Variants in FAM107B observed in about 807,000 individuals in gnomAD.
The protein encoded by FAM107B is family with sequence similarity 107 member B.
Under a neutral mutation model 31.5 loss-of-function variants are expected in FAM107B, and 21 were observed. The observed-to-expected ratio is 0.67, with a 90% CI of 0.47 to 0.96. The LOEUF is 0.96. Ranked by LOEUF, FAM107B falls within the 40% of genes least tolerant of loss-of-function variation. FAM107B has a pLI of 0.00. For synonymous variants in FAM107B, 157 were observed against 141.5 expected (o/e 1.11, Z -0.78); for missense variants, 452 against 377.1 (o/e 1.20, Z -1.64).
At chr10:14,644,492 T>C (rs1170301561) in intron 2 of FAM107B, among the ~76,000 whole-genome samples, 1 of 152,264 alleles carries the variant, frequency 6.6e-6, no homozygotes, top group East Asian at 1.9e-4. Flanking sequence ...CATGTACATT[T>C]GTACATTAAC....
At chr10:14,767,024 G>GTATGTATA (rs1554757993) in intron 1 of FAM107B, among the ~76,000 whole-genome samples, 2 of 16,232 alleles carry the variant, frequency 1.2e-4, no homozygotes, top group African/African-American at 2.1e-4. Context: ...TGATGTGTAT[G>GTATGTATA]TATATATATA....
intron 1 of FAM107B, among the ~76,000 whole-genome samples, chr10:14,763,704 A>G (rs1833104598): frequency 6.6e-6 from 1 of 152,200 alleles, no homozygotes; most frequent in Non-Finnish European, 1.5e-5. Context: ...CACCTCCCCA[A>G]GTACCAGGAT....
chr10:14,764,711 G>C (rs1233608166), intron 1 of FAM107B, among the ~76,000 whole-genome samples: 7 of 152,174 alleles, frequency 4.6e-5, no homozygotes, highest in Non-Finnish European at 1.0e-4. Flanking sequence ...TCCCATAATT[G>C]ATGTAGCACA....
chr10:14,715,964 A>T (rs992187007), intron 1 of FAM107B, among the ~76,000 whole-genome samples: 2 of 152,186 alleles, frequency 1.3e-5, no homozygotes, highest in Non-Finnish European at 2.9e-5. Flanking sequence ...GCCAATTTCC[A>T]TAATAAATCC....
At chr10:14,608,027 A>G (rs1852636549) in intron 2 of FAM107B, among the ~76,000 whole-genome samples, 1 of 152,208 alleles carries the variant, frequency 6.6e-6, no homozygotes, top group Admixed American at 6.5e-5. Context: ...CTATTTGGGG[A>G]CGTAAAATGA....
chr10:14,615,747 T>C (rs565303630), intron 2 of FAM107B, among the ~76,000 whole-genome samples: 276 of 152,278 alleles, frequency 1.8e-3, no homozygotes, highest in African/African-American at 6.5e-3. Context: ...GGGAACAGAG[T>C]AAGTTAAATA....
intron 2 of FAM107B, among the ~76,000 whole-genome samples, chr10:14,541,632 C>G (rs1848213673): frequency 6.6e-6 from 1 of 152,220 alleles, no homozygotes; most frequent in African/African-American, 2.4e-5. Context: ...CCCCTTGCCT[C>G]AGGCACTTCC....
chr10:14,723,663 G>A, intron 1 of FAM107B: 1 of 740,018 alleles, frequency 1.4e-6, no homozygotes. Context: ...CGAGAGGCTG[G>A]CAGTCAGCTC....
intron 2 of FAM107B, chr10:14,548,345 T>A: frequency 1.1e-6 from 1 of 881,904 alleles, no homozygotes. Context: ...AGGGACCAGA[T>A]GCTCTTCCGA....
intron 1 of FAM107B, among the ~76,000 whole-genome samples, chr10:14,736,430 G>A (rs1270690228): frequency 2.0e-5 from 3 of 152,120 alleles, no homozygotes; most frequent in African/African-American, 4.8e-5. Flanking sequence ...TCAATCTAAG[G>A]GACAAGCCAA....
intron 2 of FAM107B, among the ~76,000 whole-genome samples, chr10:14,656,357 A>G (rs1450056013): frequency 2.6e-5 from 4 of 152,254 alleles, no homozygotes; most frequent in African/African-American, 9.6e-5. Flanking sequence ...GGTAAATTGC[A>G]AAAGCAACGC....
At chr10:14,661,862 C>G (rs1854249716) in intron 2 of FAM107B, among the ~76,000 whole-genome samples, 1 of 152,234 alleles carries the variant, frequency 6.6e-6, no homozygotes, top group Non-Finnish European at 1.5e-5. Context: ...CAGAGAGTCA[C>G]ATAGTGAGGC....
At chr10:14,621,757 C>A (rs1190931766) in intron 2 of FAM107B, among the ~76,000 whole-genome samples, 1 of 152,126 alleles carries the variant, frequency 6.6e-6, no homozygotes, top group Non-Finnish European at 1.5e-5. Context: ...GCCTTCCCAG[C>A]CGATGTGGGG....
intron 1 of FAM107B, among the ~76,000 whole-genome samples, chr10:14,732,506 T>C (rs1254560852): frequency 1.3e-5 from 2 of 152,268 alleles, no homozygotes; most frequent in East Asian, 1.9e-4. Context: ...TCTGGACTAT[T>C]TTAGAGGGCT....
chr10:14,536,051 A>T (rs1264232939), intron 2 of FAM107B, among the ~76,000 whole-genome samples: 1 of 152,250 alleles, frequency 6.6e-6, no homozygotes, highest in Non-Finnish European at 1.5e-5. Context: ...GATAAAACAA[A>T]CCCAGACCGT....
intron 2 of FAM107B, among the ~76,000 whole-genome samples, chr10:14,623,191 T>C (rs547810215): frequency 1.3e-5 from 2 of 152,336 alleles, no homozygotes; most frequent in African/African-American, 4.8e-5. Context: ...TACAACAGTA[T>C]TAAAATAACA....
chr10:14,647,761 G>T (rs374951260), intron 2 of FAM107B, among the ~76,000 whole-genome samples: 1 of 150,790 alleles, frequency 6.6e-6, no homozygotes. Flanking sequence ...CAAGGCATTT[G>T]CAGTCAACAA....
chr10:14,715,919 G>C (rs1855769125), intron 1 of FAM107B, among the ~76,000 whole-genome samples: 1 of 152,186 alleles, frequency 6.6e-6, no homozygotes, highest in Admixed American at 6.5e-5. Flanking sequence ...TGCAGGTACA[G>C]ATTGTGGTAT....
In FAM107B at chr10:14,538,600, A is replaced by C. The variant is rs1229020387; in HGVS notation, c.470-8085T>G. On this transcript the variant is annotated intron_variant, in intron 2 of 4. Transcript: ENST00000181796. ...CCAATGGGGCTTCCAGGGTCTGGAA[A>C]AGATTGTTTCTGGATAATACAGATT... 2.0e-5 allele frequency among the ~76,000 whole-genome samples: 3 copies of C among 152,224 alleles called. No individual in the cohort carries two copies. In the East Asian group the frequency reaches 5.8e-4, roughly 29 times the overall value.
Sources: gnomAD v4.1 joint callset for allele counts (sites outside exome capture counted in the v4.1 genomes callset) on GRCh38, gnomAD v4.1.1 for gene constraint, MANE v1.5 for transcripts, NCBI Gene and HGNC (gene_info 2026-07-23, HGNC 2026-07-21) for gene names.